The following PACC1 variants were observed in gnomAD, a reference collection of about 807,000 sequenced individuals.
PACC1 encodes proton-activated chloride channel.
A neutral mutation model predicts 39.7 loss-of-function variants in PACC1; 34 were observed. The ratio of observed to expected loss-of-function variants is 0.86; its 90% CI spans 0.65 to 1.14. The LOEUF is 1.14. PACC1 is among the 50% of genes most tolerant of loss of function. The probability of loss-of-function intolerance (pLI) is 0.00; values close to 1 mark genes in which losing one functional copy is unlikely to be tolerated. For missense variants in PACC1, 379 were observed against 436.4 expected, an observed-to-expected ratio of 0.87 and a Z score of 1.17; for synonymous variants, 127 against 160.6, an observed-to-expected ratio of 0.79 and a Z score of 1.58.
chr1:212,411,289 T>C (rs1459217369), intron 1 of PACC1, among the ~76,000 whole-genome samples: 2 of 152,146 alleles, frequency 1.3e-5, no homozygotes, highest in Non-Finnish European at 2.9e-5. Flanking sequence ...TAGAGTCTGC[T>C]GAGAGAAAAG....
chr1:212,374,844 A>G (rs375286027), intron 7 of PACC1, among the ~76,000 whole-genome samples: 1 of 152,220 alleles, frequency 6.6e-6, no homozygotes, highest in South Asian at 2.1e-4. Flanking sequence ...TTTCTACTCA[A>G]TTTATTCAAC....
intron 2 of PACC1, among the ~76,000 whole-genome samples, chr1:212,396,583 TAAAA>T (rs1661526833): frequency 7.4e-6 from 1 of 135,994 alleles, no homozygotes; most frequent in Non-Finnish European, 1.6e-5. Flanking sequence ...TAAAGTATAA[TAAAA>T]ATATACATAT....
At position 212,387,065 on chromosome 1, in the gene PACC1, A is replaced by G; in HGVS notation, c.169T>C (p.Phe57Leu). 6.2e-7 allele frequency: 1 copy of G among 1,614,172 alleles called. No homozygotes were observed. Among genetic ancestry groups the G allele is most frequent in the Non-Finnish European group, 8.5e-7 (1 of 1,180,036 alleles). The stretch of plus-strand genomic sequence containing the variant: ...ACGTTCTTCAGGCAGGCCTTGCTGA[A>G]GCGGATGCTGCTGGAGGCGGACTCG... ...DSESASSSIRFSKACLKNVFS... is the reference protein window; with the variant it reads ...DSESASSSIRLSKACLKNVFS... Residue 57 changes from phenylalanine to leucine, a missense_variant, in exon 3 of 8, where the codon TTC becomes CTC. By Grantham distance (22) the Phe-to-Leu change is conservative (BLOSUM62 0). Coordinates refer to ENST00000261455, the MANE Select transcript of PACC1 (RefSeq NM_018252.3).
intron 2 of PACC1, among the ~76,000 whole-genome samples, chr1:212,396,668 C>T (rs921308639): frequency 7.3e-6 from 1 of 136,910 alleles, no homozygotes; most frequent in Non-Finnish European, 1.6e-5. Flanking sequence ...CTTACAGATC[C>T]AAGAAGCTCA....
At chr1:212,370,585 C>T (rs1660412365) in intron 7 of PACC1, among the ~76,000 whole-genome samples, 1 of 152,192 alleles carries the variant, frequency 6.6e-6, no homozygotes, top group Non-Finnish European at 1.5e-5. Flanking sequence ...AAATTAAAAT[C>T]ATATTAAGTA....
At chr1:212,369,333 A>C (rs1660360002) in intron 7 of PACC1, among the ~76,000 whole-genome samples, 1 of 152,236 alleles carries the variant, frequency 6.6e-6, no homozygotes, top group Non-Finnish European at 1.5e-5. Flanking sequence ...ACAAAAAACG[A>C]AATAGCCGTA....
intron 7 of PACC1, among the ~76,000 whole-genome samples, chr1:212,371,136 C>G (rs890237000): frequency 2.7e-5 from 4 of 149,660 alleles, no homozygotes; most frequent in African/African-American, 9.8e-5. Context: ...TCCCAGCTAC[C>G]TGGGAGGCTG....
chr1:212,391,917 A>T (rs1360553682), intron 2 of PACC1, among the ~76,000 whole-genome samples: 1 of 152,188 alleles, frequency 6.6e-6, no homozygotes, highest in Non-Finnish European at 1.5e-5. Context: ...AAAACGAACA[A>T]AGCCTCCAAG....
intron 2 of PACC1, among the ~76,000 whole-genome samples, chr1:212,402,550 T>C (rs1004401735): frequency 6.6e-6 from 1 of 152,240 alleles, no homozygotes; most frequent in African/African-American, 2.4e-5. Context: ...CTTTATATAT[T>C]CTAAATACCA....
intron 7 of PACC1, among the ~76,000 whole-genome samples, chr1:212,372,954 T>C (rs1250165705): frequency 6.6e-6 from 1 of 152,130 alleles, no homozygotes; most frequent in Non-Finnish European, 1.5e-5. Flanking sequence ...ACAGATTGAA[T>C]GCAATTCCTA....
intron 4 of PACC1, among the ~76,000 whole-genome samples, chr1:212,382,378 G>C (rs1041250204): frequency 1.3e-5 from 2 of 152,128 alleles, no homozygotes; most frequent in Non-Finnish European, 2.9e-5. Flanking sequence ...TCAAAATGAG[G>C]GAACAGCCAA....
chr1:212,375,319 AAGC>A lies in PACC1; in HGVS notation c.784-22_784-20del, dbSNP rs756121597. The A allele has an allele frequency of 1.5e-5, 23 of 1,571,836 alleles. No homozygotes were observed. The highest frequency in any genetic ancestry group is 1.9e-5 in the Non-Finnish European group (22 of 1,141,816). On this transcript the variant is annotated intron_variant, in intron 6 of 7. Transcript: ENST00000261455. ...CACTTGTCTAGATGTGGAGGAGAGA[AAGC>A]AGTGTTACCACCTCTGTGTGCCCTT...
intron 1 of PACC1, chr1:212,414,213 G>A: frequency 3.0e-6 from 3 of 992,892 alleles, no homozygotes; most frequent in South Asian, 3.8e-5. Flanking sequence ...AAAGTTAGGT[G>A]GTCACCAAAA....
intron 5 of PACC1, among the ~76,000 whole-genome samples, chr1:212,378,733 T>C (rs929765846): frequency 2.6e-5 from 4 of 152,126 alleles, no homozygotes; most frequent in Middle Eastern, 3.2e-3. Flanking sequence ...AGAGCTTATA[T>C]CCTCATACCA....
chr1:212,372,399 A>G (rs1045280983), intron 7 of PACC1, among the ~76,000 whole-genome samples: 2 of 152,178 alleles, frequency 1.3e-5, no homozygotes, highest in African/African-American at 4.8e-5. Context: ...CTAACATCAT[A>G]TGGGGAAAAA....
Position 212,365,105 on chromosome 1 carries a change from G to T in PACC1, c.*110C>A. 8.9e-7 allele frequency: 1 copy of T among 1,126,016 alleles called. No homozygotes were observed. The highest frequency in any genetic ancestry group is 1.2e-6 in the Non-Finnish European group (1 of 810,448). 69.8% of individuals were successfully genotyped at this position (1,126,016 alleles called of 1,614,324 possible). Reference sequence around the variant, plus strand: ...TTTTACATGCTGTTCCTCCCAGCAAGGCCCCATTTCTTCAAGTGAGTACAG... The same window carrying T: ...TTTTACATGCTGTTCCTCCCAGCAATGCCCCATTTCTTCAAGTGAGTACAG... On this transcript the variant is annotated 3_prime_UTR_variant, in exon 8 of 8. Transcript: ENST00000261455.
intron 2 of PACC1, among the ~76,000 whole-genome samples, chr1:212,402,486 C>T (rs756077344): frequency 2.6e-5 from 4 of 152,138 alleles, no homozygotes; most frequent in Non-Finnish European, 5.9e-5. Flanking sequence ...TATTCAGATT[C>T]TTTGCCCATT....
At chr1:212,413,820 T>C in intron 1 of PACC1, 4 of 1,428,852 alleles carry the variant, frequency 2.8e-6, no homozygotes, top group Non-Finnish European at 3.7e-6. Context: ...TATAAGAGAC[T>C]AAAGGGAGCG....
chr1:212,382,041 CTTGTT>C (rs1300420922), intron 4 of PACC1, among the ~76,000 whole-genome samples: 2 of 106,540 alleles, frequency 1.9e-5, no homozygotes, highest in Non-Finnish European at 3.9e-5. Flanking sequence ...CTGGAGTGTT[CTTGTT>C]TTTTTTTTTT....
Sources: gnomAD v4.1 joint callset for allele counts (sites outside exome capture counted in the v4.1 genomes callset) on GRCh38, gnomAD v4.1.1 for gene constraint, MANE v1.5 for transcripts, NCBI Gene and HGNC (gene_info 2026-07-23, HGNC 2026-07-21) for gene names.